CD96: variants seen among roughly 807,000 people sequenced by gnomAD.
CD96 encodes the protein T-cell surface protein tactile.
Under a neutral mutation model 71.3 loss-of-function variants are expected in CD96, and 70 were observed. That is an observed-to-expected ratio of 0.98 (90% confidence interval 0.81 to 1.20). The LOEUF (loss-of-function observed/expected upper bound fraction) is 1.20, where lower values mean the gene tolerates loss of function less well. CD96 is among the 50% of genes most tolerant of loss of function. The pLI is 0.00. For missense variants in CD96, 742 were observed against 677.5 expected (o/e 1.10, Z -1.06); for synonymous variants, 248 against 233.0 (o/e 1.06, Z -0.59).
intron 12 of CD96, among the ~76,000 whole-genome samples, chr3:111,642,005 A>G (rs1431812070): frequency 6.6e-6 from 1 of 152,218 alleles, no homozygotes. Flanking sequence ...GGTGGTGCTA[A>G]GAGGAAAGTT....
intron 3 of CD96, among the ~76,000 whole-genome samples, chr3:111,568,519 C>T (rs2107550534): frequency 6.6e-6 from 1 of 152,278 alleles, no homozygotes; most frequent in Middle Eastern, 3.4e-3. Flanking sequence ...ACTTTTCTCT[C>T]CTTGAAATAC....
chr3:111,558,117 G>T (rs1304176797), intron 2 of CD96, among the ~76,000 whole-genome samples: 2 of 141,406 alleles, frequency 1.4e-5, no homozygotes, highest in African/African-American at 5.4e-5. Flanking sequence ...CTGAGACAAT[G>T]GGGTTTTCTA....
In CD96 at chr3:111,606,682, T is replaced by A. The variant is rs1937635123; in HGVS notation, c.1088-18T>A. On this transcript the variant is annotated intron_variant, in intron 7 of 13. Coordinates refer to ENST00000352690, the MANE Select transcript of CD96 (RefSeq NM_005816.5). ...TACAATATTTTGTTCATTATAAATCTCTTTCTAATCCTTTAAGGTTCTGAA... is the reference window on the plus strand; with the variant it reads ...TACAATATTTTGTTCATTATAAATCACTTTCTAATCCTTTAAGGTTCTGAA... 8.1e-7 allele frequency: 1 copy of A among 1,238,900 alleles called. No individual in the cohort carries two copies. Among genetic ancestry groups the A allele is most frequent in the African/African-American group, 1.5e-5 (1 of 67,780 alleles). The allele number at this position is 1,238,900 out of a possible 1,614,324, so 76.7% of individuals were successfully genotyped here. A position where few individuals can be genotyped will look rare whatever the true frequency, so the allele number is the denominator to read the frequency against.
At chr3:111,617,773 A>G (rs1474757912) in intron 8 of CD96, among the ~76,000 whole-genome samples, 1 of 152,164 alleles carries the variant, frequency 6.6e-6, no homozygotes, top group African/African-American at 2.4e-5. Flanking sequence ...GTGGGACTGA[A>G]AGAGTTGTAA....
intron 2 of CD96, among the ~76,000 whole-genome samples, chr3:111,558,390 G>A (rs1335790987): frequency 7.9e-5 from 10 of 126,784 alleles, no homozygotes; most frequent in Non-Finnish European, 1.0e-4. Context: ...CATCAATACC[G>A]AATTTATTGA....
chr3:111,562,208 C>G (rs555646393), intron 2 of CD96, among the ~76,000 whole-genome samples: 2 of 152,178 alleles, frequency 1.3e-5, no homozygotes, highest in Admixed American at 1.3e-4. Context: ...CGGAGCTGTT[C>G]CTATTCGGCC....
intron 5 of CD96, chr3:111,592,920 TA>T (rs1937061367): frequency 6.6e-6 from 1 of 152,168 alleles, no homozygotes. Context: ...ACAACTTTAA[TA>T]TAAGCAAGAA....
chr3:111,566,329 G>A (rs981683010), intron 2 of CD96, among the ~76,000 whole-genome samples: 4 of 151,916 alleles, frequency 2.6e-5, no homozygotes, highest in Non-Finnish European at 5.9e-5. Flanking sequence ...GCATGTAATG[G>A]TTTAAAATAA....
At chr3:111,660,780 A>G (rs887589697) in intron 14 of CD96, among the ~76,000 whole-genome samples, 1 of 152,214 alleles carries the variant, frequency 6.6e-6, no homozygotes, top group Non-Finnish European at 1.5e-5. Context: ...AGAACTCCTA[A>G]TTCAATAAAT....
intron 4 of CD96, among the ~76,000 whole-genome samples, chr3:111,584,666 C>A (rs2107600711): frequency 6.6e-6 from 1 of 152,246 alleles, no homozygotes; most frequent in South Asian, 2.1e-4. Flanking sequence ...ATAGACCCAC[C>A]AGATCTCATG....
intron 7 of CD96, among the ~76,000 whole-genome samples, chr3:111,601,273 A>G (rs1217263882): frequency 6.6e-6 from 1 of 152,202 alleles, no homozygotes; most frequent in African/African-American, 2.4e-5. Flanking sequence ...TAAAAGACCT[A>G]AAATTCCTTC....
chr3:111,617,778 T>C (rs1042971707), intron 8 of CD96, among the ~76,000 whole-genome samples: 1 of 151,624 alleles, frequency 6.6e-6, no homozygotes, highest in Admixed American at 6.6e-5. Flanking sequence ...ACTGAAAGAG[T>C]TGTAACACAA....
intron 3 of CD96, among the ~76,000 whole-genome samples, chr3:111,575,971 C>A (rs986006939): frequency 1.3e-5 from 2 of 152,114 alleles, no homozygotes; most frequent in Non-Finnish European, 2.9e-5. Flanking sequence ...AATGAATCTC[C>A]ATAATTCCTC....
intron 5 of CD96, among the ~76,000 whole-genome samples, chr3:111,591,022 A>T (rs59852785): frequency 0.032 from 4,821 of 152,324 alleles, 177 homozygotes; most frequent in East Asian, 0.098. Context: ...AAACAAAAGC[A>T]GTTTGGGGTT....
chr3:111,653,017 T>C (rs988698267), downstream of CD96, among the ~76,000 whole-genome samples: 2 of 152,160 alleles, frequency 1.3e-5, no homozygotes, highest in African/African-American at 2.4e-5. Context: ...AACATTGTTA[T>C]TCATATGTTC....
In CD96 at chr3:111,567,644, G is replaced by A. The variant is rs765581924; in HGVS notation, c.540G>A (p.Ser180=). 8.1e-6 allele frequency: 13 copies of A among 1,612,948 alleles called. No individual in the cohort carries two copies. The highest frequency in any genetic ancestry group is 4.4e-5 in the South Asian group (4 of 91,044). The change falls in exon 3 of 14, where the codon TCG becomes TCA. Residue 180 remains serine (S), a synonymous_variant. Coordinates refer to ENST00000352690, the MANE Select transcript of CD96 (RefSeq NM_005816.5). ...CATCTGAGTTCACCTATGCATGGTC[G>A]GTGGTAAGTGTTGCCCTTTTCAGTG... ...KISSEFTYAW[S]VEDNGTQETL... is the part of the protein sequence containing the mutation.
At chr3:111,597,993 G>A (rs564390511) in intron 5 of CD96, 127 bp from the exon 6 acceptor site, 4 of 703,210 alleles carry the variant, frequency 5.7e-6, no homozygotes, top group Admixed American at 2.0e-5. Flanking sequence ...AGTAGACATT[G>A]CCTTCTATTT....
chr3:111,622,982 A>T (rs981409629), intron 8 of CD96, among the ~76,000 whole-genome samples: 1 of 152,176 alleles, frequency 6.6e-6, no homozygotes, highest in Admixed American at 6.5e-5. Context: ...AGGACTCAAC[A>T]TAATTTTTCT....
intron 2 of CD96, among the ~76,000 whole-genome samples, chr3:111,556,691 A>G (rs995171153): frequency 2.1e-5 from 3 of 144,452 alleles, no homozygotes; most frequent in Admixed American, 6.9e-5. Context: ...TTATAGCAGC[A>G]TGATTTATAG....
Sources: allele counts gnomAD v4.1 joint callset (sites outside exome capture counted in the v4.1 genomes callset), GRCh38; gene constraint gnomAD v4.1.1; transcripts MANE v1.5; gene names NCBI Gene and HGNC (gene_info 2026-07-23, HGNC 2026-07-21).